Variants in PDZD2 observed in about 807,000 individuals in gnomAD.
The protein encoded by PDZD2 is PDZ domain containing 2.
PDZD2 carries 90 observed loss-of-function variants against 220.7 expected under a neutral mutation model. That is an observed-to-expected ratio of 0.41 (90% CI 0.34 to 0.49). PDZD2 has a LOEUF of 0.49. Among genes scored for constraint, PDZD2 ranks in the 20% least tolerant of loss-of-function variants. PDZD2 has a pLI of 0.28. For missense variants in PDZD2, 3,174 were observed against 3,608.5 expected (o/e 0.88, Z 3.08); for synonymous variants, 1,375 against 1,450.5 (o/e 0.95, Z 1.18).
chr5:32,064,793 C>T (rs1268756101), intron 14 of PDZD2, among the ~76,000 whole-genome samples: 1 of 150,122 alleles, frequency 6.7e-6, no homozygotes, highest in Non-Finnish European at 1.5e-5. Flanking sequence ...CATAGCAAAA[C>T]CACGTCTCTA....
intron 6 of PDZD2, among the ~76,000 whole-genome samples, chr5:32,017,737 GA>G (rs1753886204): frequency 6.6e-6 from 1 of 152,188 alleles, no homozygotes; most frequent in African/African-American, 2.4e-5. Context: ...GGGAATTTAG[GA>G]CTTGGTTTTT....
chr5:31,653,011 CA>C (rs201248468), intron 1 of PDZD2, among the ~76,000 whole-genome samples: 14 of 150,150 alleles, frequency 9.3e-5, no homozygotes, highest in East Asian at 3.9e-4. Context: ...GACTTCATCT[CA>C]AAAAAAAAGA....
intron 1 of PDZD2, among the ~76,000 whole-genome samples, chr5:31,643,181 C>A (rs763095283): frequency 1.6e-4 from 25 of 152,276 alleles, no homozygotes; most frequent in Admixed American, 2.6e-4. Flanking sequence ...TCCAGAAATG[C>A]ATAAACCTCT....
rs555817499 is a variant in PDZD2 at position 31,700,711 on chromosome 5, G to T, written c.-361+61274G>T. Among the ~76,000 whole-genome samples the T allele has an allele frequency of 2.6e-4, 39 of 152,346 alleles. 1 individual carries two copies. In the South Asian group the frequency reaches 8.1e-3, roughly 32 times the overall value. The stretch of plus-strand genomic sequence containing the variant: ...GAGGGAAGGGTGAAGCCATTACATG[G>T]CTGAGGAGGAAAAGGGAAGAAGGAT... On this transcript the variant is annotated intron_variant, in intron 1 of 24. Transcript: ENST00000438447.
intron 2 of PDZD2, among the ~76,000 whole-genome samples, chr5:31,960,456 G>A (rs200749977): frequency 5.9e-5 from 9 of 152,144 alleles, no homozygotes; most frequent in East Asian, 3.9e-4. Flanking sequence ...GTGGTCTGCC[G>A]CCTCGGCCTT....
rs753670602 is a variant in PDZD2 at position 32,090,513 on chromosome 5, C to T, written c.7065C>T (p.Ser2355=). 11 of 1,613,854 alleles carry T rather than the reference C, an allele frequency of 6.8e-6. No individual in the cohort carries two copies. Among genetic ancestry groups the T allele is most frequent in the South Asian group, 4.4e-5 (4 of 91,078 alleles). The change falls in exon 20 of 25, where the codon TCC becomes TCT. Residue 2355 remains serine, a synonymous_variant. Coordinates refer to ENST00000438447, the MANE Select transcript of PDZD2 (RefSeq NM_178140.4). The surrounding 1 kb of genome is among the most constrained non-coding windows in gnomAD (Gnocchi z 4.3). ...LANADRPVAK[S]GASPFLSVSS... is the part of the protein sequence containing the mutation. ...ATGCTGACCGGCCTGTAGCCAAGTCCGGGGCTTCCCCATTTTTGTCGGTGA... is the reference window on the plus strand; with the variant it reads ...ATGCTGACCGGCCTGTAGCCAAGTCTGGGGCTTCCCCATTTTTGTCGGTGA...
intron 2 of PDZD2, among the ~76,000 whole-genome samples, chr5:31,887,827 G>T (rs150985137): frequency 8.8e-4 from 132 of 150,742 alleles, no homozygotes; most frequent in Middle Eastern, 6.8e-3. Context: ...TGCGGGGGAG[G>T]GGGGGAACAG....
Position 32,057,737 on chromosome 5 carries a change from A to G in PDZD2, c.1974+9A>G, listed in dbSNP as rs751641320. The stretch of plus-strand genomic sequence containing the variant: ...CCATTCATACCTTTAAGGTAACAAC[A>G]TTCTTATTGATCTCCTTTATCCTAT... On this transcript the variant is annotated intron_variant, in intron 11 of 24. Coordinates refer to ENST00000438447, the MANE Select transcript of PDZD2 (RefSeq NM_178140.4). 6.5e-7 allele frequency: 1 copy of G among 1,533,424 alleles called. No individual in the cohort carries two copies. The highest frequency in any genetic ancestry group is 1.1e-5 in the South Asian group (1 of 88,022). The allele number at this position is 1,533,424 out of a possible 1,614,324, so 95.0% of individuals were successfully genotyped here.
At chr5:31,707,335 TAAAA>T (rs1046497234) in intron 1 of PDZD2, among the ~76,000 whole-genome samples, 9 of 150,058 alleles carry the variant, frequency 6.0e-5, no homozygotes, top group African/African-American at 2.0e-4. Context: ...ATTAATTAAA[TAAAA>T]AATAAAAAAG....
intron 2 of PDZD2, among the ~76,000 whole-genome samples, chr5:31,912,618 C>T (rs1327528572): frequency 2.0e-5 from 3 of 152,184 alleles, no homozygotes; most frequent in Non-Finnish European, 2.9e-5. Flanking sequence ...AGAGAAGGTT[C>T]GCCTTGTTCT....
At position 31,740,524 on chromosome 5, in the gene PDZD2, C is replaced by CAAAAAAAAAAAAAAAAAAAAAAAAA. The variant is rs58965956; in HGVS notation, c.-360-58355_-360-58331dup. Among the ~76,000 whole-genome samples, 3 of 60,060 alleles carry CAAAAAAAAAAAAAAAAAAAAAAAAA rather than the reference C, an allele frequency of 5.0e-5. 1 individual carries two copies. Among genetic ancestry groups the CAAAAAAAAAAAAAAAAAAAAAAAAA allele is most frequent in the Non-Finnish European group, 7.1e-5 (2 of 27,994 alleles). 39.4% of individuals were successfully genotyped at this position (60,060 alleles called of 152,430 possible). On this transcript the variant is annotated intron_variant, in intron 1 of 24. Coordinates refer to ENST00000438447, the MANE Select transcript of PDZD2 (RefSeq NM_178140.4). ...TGGGTGACAGAGCAAGACTCCGTCT[C>CAAAAAAAAAAAAAAAAAAAAAAAAA]AAAAAAAAAAAAAAAAAAAAAAAAA...
intron 1 of PDZD2, among the ~76,000 whole-genome samples, chr5:31,718,770 G>A (rs1467561208): frequency 1.4e-5 from 2 of 146,642 alleles, no homozygotes; most frequent in Admixed American, 7.0e-5. Flanking sequence ...GCACGATCTC[G>A]GCTCACTGCA....
intron 1 of PDZD2, among the ~76,000 whole-genome samples, chr5:31,756,271 C>T (rs1172003806): frequency 6.6e-6 from 1 of 152,152 alleles, no homozygotes. Context: ...GCTTAGAAAA[C>T]GTCAGACTTT....
intron 7 of PDZD2, among the ~76,000 whole-genome samples, chr5:32,039,555 G>C (rs543890237): frequency 1.9e-4 from 29 of 152,144 alleles, no homozygotes; most frequent in African/African-American, 7.0e-4. Flanking sequence ...CAGCGTCTCT[G>C]CCTGGCCACC....
intron 2 of PDZD2, among the ~76,000 whole-genome samples, chr5:31,957,441 G>A (rs983350756): frequency 2.6e-5 from 4 of 152,192 alleles, no homozygotes; most frequent in African/African-American, 4.8e-5. Context: ...ATACATGAAC[G>A]AGTCAACTTA....
At chr5:32,038,949 G>C (rs1755781024) in intron 7 of PDZD2, among the ~76,000 whole-genome samples, 1 of 152,222 alleles carries the variant, frequency 6.6e-6, no homozygotes, top group Admixed American at 6.5e-5. Flanking sequence ...ACAATGTGTA[G>C]TACGTTAACG....
rs377343970 is a variant in PDZD2, at chr5:32,088,246, G to A, written c.4798G>A (p.Glu1600Lys). The A allele has an allele frequency of 6.2e-7, 1 of 1,614,042 alleles. No homozygotes were observed. The highest frequency in any genetic ancestry group is 1.3e-5 in the African/African-American group (1 of 74,932). ...TTCGGAGTCAGAAGAGGAACAGATTGAGATTTGTTCCACACGTGGCTGCCC... is the reference window on the plus strand; with the variant it reads ...TTCGGAGTCAGAAGAGGAACAGATTAAGATTTGTTCCACACGTGGCTGCCC... Reference protein sequence around the residue: ...DPSESEEEQIEICSTRGCPNP... With the variant: ...DPSESEEEQIKICSTRGCPNP... Residue 1600 changes from glutamate to lysine, a missense_variant, in exon 20 of 25, where the codon GAG becomes AAG. By Grantham distance (56) the Glu-to-Lys change is moderately conservative. Around this residue, in one of 4 missense-constraint regions of PDZD2, gnomAD observed 1,861 missense variants for 2,001.0 expected, o/e 0.93. Coordinates refer to ENST00000438447, the MANE Select transcript of PDZD2 (RefSeq NM_178140.4). This position sits in a 1 kb window ranked among gnomAD's most constrained non-coding sequence, Gnocchi z 4.6.
At chr5:32,051,238 T>C (rs1397315526) in intron 8 of PDZD2, among the ~76,000 whole-genome samples, 1 of 152,142 alleles carries the variant, frequency 6.6e-6, no homozygotes, top group African/African-American at 2.4e-5. Context: ...CAGGCGATGT[T>C]TGGCCATCAC....
chr5:31,711,422 C>A (rs1436293297), intron 1 of PDZD2, among the ~76,000 whole-genome samples: 1 of 152,228 alleles, frequency 6.6e-6, no homozygotes, highest in African/African-American at 2.4e-5. Flanking sequence ...TGAACTCCTG[C>A]ATAAAGACCC....
Sources: gnomAD v4.1 joint callset for allele counts (sites outside exome capture counted in the v4.1 genomes callset) on GRCh38, gnomAD v4.1.1 for gene constraint, gnomAD v4.1.1 regional missense constraint, Gnocchi (gnomAD v3.1) non-coding constraint, MANE v1.5 for transcripts, NCBI Gene and HGNC (gene_info 2026-07-23, HGNC 2026-07-21) for gene names.